Variants in PCDH15 observed in about 807,000 individuals in gnomAD.
PCDH15 encodes the protein protocadherin related 15.
A neutral mutation model predicts 178.5 loss-of-function variants in PCDH15; 129 were observed. The ratio of observed to expected loss-of-function variants is 0.72; its 90% CI spans 0.63 to 0.84. The LOEUF (loss-of-function observed/expected upper bound fraction) is 0.84, where lower values mean the gene tolerates loss of function less well. Among genes scored for constraint, PCDH15 ranks in the 40% least tolerant of loss-of-function variants. The probability of loss-of-function intolerance (pLI) is 0.00; values close to 1 mark genes in which losing one functional copy is unlikely to be tolerated. For synonymous variants in PCDH15, 800 were observed against 732.0 expected, an observed-to-expected ratio of 1.09 and a Z score of -1.50; for missense variants, 2,230 against 2,099.9, an observed-to-expected ratio of 1.06 and a Z score of -1.21.
At chr10:53,839,202 C>CAAAAAAAAA (rs758823713) in intron 29 of PCDH15, among the ~76,000 whole-genome samples, 1 of 74,596 alleles carries the variant, frequency 1.3e-5, no homozygotes, top group African/African-American at 5.2e-5. Context: ...GTCTCCGTCT[C>CAAAAAAAAA]AAAAAAAAAA....
intron 1 of PCDH15, among the ~76,000 whole-genome samples, chr10:55,228,360 A>G (rs1169552580): frequency 6.6e-6 from 1 of 152,090 alleles, no homozygotes; most frequent in African/African-American, 2.4e-5. Flanking sequence ...GATCAAAAAA[A>G]AAATTGTGTG....
At chr10:53,930,560 A>T (rs2084969410) in intron 25 of PCDH15, among the ~76,000 whole-genome samples, 1 of 151,466 alleles carries the variant, frequency 6.6e-6, no homozygotes, top group Admixed American at 6.6e-5. Context: ...TTGTTTTCAG[A>T]TAAACACAGA....
At chr10:55,562,108 C>T (rs913562105) in intron 2 of PCDH15, among the ~76,000 whole-genome samples, 1 of 151,836 alleles carries the variant, frequency 6.6e-6, no homozygotes, top group Non-Finnish European at 1.5e-5. Context: ...AGAGTAGCAA[C>T]ATTTGTGAAT....
At chr10:53,926,175 C>T (rs2084534752) in intron 25 of PCDH15, among the ~76,000 whole-genome samples, 1 of 152,180 alleles carries the variant, frequency 6.6e-6, no homozygotes, top group Non-Finnish European at 1.5e-5. Context: ...TAGTTTGGGA[C>T]TGGCCTATTT....
intron 3 of PCDH15, among the ~76,000 whole-genome samples, chr10:54,841,118 T>C (rs1179631304): frequency 2.0e-5 from 3 of 151,802 alleles, no homozygotes; most frequent in Non-Finnish European, 4.4e-5. Flanking sequence ...AGTATATAAG[T>C]TCCTCTCAAC....
chr10:53,903,439 A>C, intron 25 of PCDH15, 69 bp from the exon 26 acceptor site: 1 of 1,568,178 alleles, frequency 6.4e-7, no homozygotes, highest in Non-Finnish European at 8.7e-7. Flanking sequence ...ACTGAAGTAA[A>C]TATTTGCTGC....
At chr10:55,392,235 C>T (rs775535967) in intron 2 of PCDH15, among the ~76,000 whole-genome samples, 3 of 152,062 alleles carry the variant, frequency 2.0e-5, no homozygotes, top group African/African-American at 4.8e-5. Context: ...GTGGCAGAAA[C>T]ATAGAGTGAG....
intron 20 of PCDH15, among the ~76,000 whole-genome samples, chr10:54,015,177 G>T (rs1337553849): frequency 7.8e-6 from 1 of 127,904 alleles, no homozygotes; most frequent in African/African-American, 3.0e-5. Context: ...ACACAAAAAA[G>T]TACCTAGGAA....
chr10:55,614,652 T>C (rs1843438780), intron 2 of PCDH15, among the ~76,000 whole-genome samples: 1 of 152,204 alleles, frequency 6.6e-6, no homozygotes, highest in South Asian at 2.1e-4. Flanking sequence ...AATAAAATTT[T>C]CTATTGATGT....
rs143374021 is a variant in PCDH15, at chr10:54,064,217, T to C, written c.2220+2540A>G. ...AGACCCGGAATAGGTAGTTCCTTTC[T>C]GCAGAAGGTGGTCCCAGGAGACACG... On this transcript the variant is annotated intron_variant, in intron 18 of 37. Coordinates refer to ENST00000644397, the MANE Select transcript of PCDH15 (RefSeq NM_001384140.1). 9.8e-4 allele frequency among the ~76,000 whole-genome samples: 150 copies of C among 152,324 alleles called. 2 individuals carry two copies. Among genetic ancestry groups the C allele is most frequent in the Admixed American group, 4.4e-3 (67 of 15,306 alleles).
intron 24 of PCDH15, among the ~76,000 whole-genome samples, 164 bp downstream of exon 24, chr10:53,940,702 G>T (rs1425324203): frequency 6.6e-6 from 1 of 152,080 alleles, no homozygotes; most frequent in African/African-American, 2.4e-5. Context: ...AACATCACTG[G>T]ATTTTTAATC....
chr10:54,240,626 C>CTTTTT (rs1228784141), intron 8 of PCDH15, among the ~76,000 whole-genome samples: 105 of 79,684 alleles, frequency 1.3e-3, no homozygotes, highest in African/African-American at 2.1e-3. Context: ...TTTTCTTTTG[C>CTTTTT]TTTTTTTTTT....
intron 2 of PCDH15, among the ~76,000 whole-genome samples, chr10:55,022,178 C>T (rs991627966): frequency 5.9e-5 from 9 of 151,956 alleles, no homozygotes; most frequent in African/African-American, 2.2e-4. Flanking sequence ...GTAGGCCGGG[C>T]TCGGTGGCTC....
chr10:55,455,385 C>G (rs1839527786), intron 2 of PCDH15, among the ~76,000 whole-genome samples: 1 of 151,882 alleles, frequency 6.6e-6, no homozygotes, highest in Non-Finnish European at 1.5e-5. Context: ...AAGTTTTTTT[C>G]AAGATTACAA....
intron 2 of PCDH15, among the ~76,000 whole-genome samples, chr10:55,077,862 T>C (rs1841947212): frequency 6.6e-6 from 1 of 152,132 alleles, no homozygotes; most frequent in South Asian, 2.1e-4. Flanking sequence ...TTTTCTCTAA[T>C]GATATCATTT....
At chr10:53,894,725 T>C (rs1169108540) in intron 26 of PCDH15, among the ~76,000 whole-genome samples, 2 of 152,180 alleles carry the variant, frequency 1.3e-5, no homozygotes, top group Non-Finnish European at 2.9e-5. Flanking sequence ...ACACTTGACA[T>C]TGTAACAGTA....
intron 1 of PCDH15, among the ~76,000 whole-genome samples, chr10:54,691,468 C>A (rs1484839832): frequency 1.3e-5 from 2 of 151,892 alleles, no homozygotes; most frequent in East Asian, 3.9e-4. Context: ...AACCTCATGA[C>A]TGACAATGAG....
At chr10:53,987,789 A>G (rs555433408) in intron 21 of PCDH15, among the ~76,000 whole-genome samples, 13 of 152,226 alleles carry the variant, frequency 8.5e-5, no homozygotes, top group African/African-American at 3.1e-4. Context: ...AAAGTTTTTC[A>G]CCATTCATTT....
intron 8 of PCDH15, among the ~76,000 whole-genome samples, chr10:54,316,198 G>C (rs953691595): frequency 6.6e-6 from 1 of 151,980 alleles, no homozygotes; most frequent in Non-Finnish European, 1.5e-5. Context: ...GATCATTGCT[G>C]TGAGTAGACT....
Sources: allele counts gnomAD v4.1 joint callset (sites outside exome capture counted in the v4.1 genomes callset), GRCh38; gene constraint gnomAD v4.1.1; transcripts MANE v1.5; gene names NCBI Gene and HGNC (gene_info 2026-07-23, HGNC 2026-07-21).